Variants in RLF observed in about 807,000 individuals in gnomAD.
RLF encodes the protein RLF zinc finger, also known as zinc finger protein Rlf.
RLF carries 7 observed loss-of-function variants against 162.9 expected under a neutral mutation model. The observed-to-expected ratio is 0.04, with a 90% CI of 0.02 to 0.08. The LOEUF (loss-of-function observed/expected upper bound fraction) is 0.08, where lower values mean the gene tolerates loss of function less well. Among genes scored for constraint, RLF ranks in the 10% least tolerant of loss-of-function variants. The probability of loss-of-function intolerance (pLI) is 1.00; values close to 1 mark genes in which losing one functional copy is unlikely to be tolerated. For synonymous variants in RLF, 782 were observed against 791.5 expected (o/e 0.99, Z 0.20); for missense variants, 1,664 against 2,244.7 (o/e 0.74, Z 5.23).
At chr1:40,204,142 A>G (rs1468579478) in intron 5 of RLF, among the ~76,000 whole-genome samples, 1 of 149,346 alleles carries the variant, frequency 6.7e-6, no homozygotes, top group African/African-American at 2.5e-5. Flanking sequence ...CAGCCTCCCG[A>G]GTAGCTGGGA....
At chr1:40,234,193 G>A (rs1643188677) in intron 7 of RLF, among the ~76,000 whole-genome samples, 1 of 152,234 alleles carries the variant, frequency 6.6e-6, no homozygotes, top group South Asian at 2.1e-4. Flanking sequence ...CAAGTGATGT[G>A]CCTGCCTCGG....
At position 40,161,483 on chromosome 1, in the gene RLF, C is replaced by G. The variant is rs1055980924; in HGVS notation, c.84C>G (p.Val28=). ...APAVAGAGDG[V]ETESMVRGHR... is the part of the protein sequence containing the mutation. ...CGGTAGCGGGAGCCGGAGATGGAGT[C>G]GAGACTGAGTCCATGGTTCGGGGTC... Residue 28 remains valine, a synonymous_variant, in exon 1 of 8, where the codon GTC becomes GTG. Transcript: ENST00000372771. This position sits in a 1 kb window ranked among gnomAD's most constrained non-coding sequence, Gnocchi z 4.4. The G allele has an allele frequency of 6.3e-7, 1 of 1,594,084 alleles. No individual in the cohort carries two copies. Among genetic ancestry groups the G allele is most frequent in the Non-Finnish European group, 8.5e-7 (1 of 1,171,446 alleles).
At chr1:40,179,672 C>CTCCA (rs145703000) in intron 1 of RLF, among the ~76,000 whole-genome samples, 7,833 of 151,866 alleles carry the variant, frequency 0.052, 586 homozygotes, top group African/African-American at 0.17. Context: ...CAACCATTAC[C>CTCCA]TCCATCCATC....
At chr1:40,186,942 C>G (rs1473313140) in intron 1 of RLF, among the ~76,000 whole-genome samples, 1 of 152,040 alleles carries the variant, frequency 6.6e-6, no homozygotes, top group African/African-American at 2.4e-5. Context: ...CTCCTTAATT[C>G]TTAGATTAGC....
rs12071527 is a variant in RLF at position 40,167,158 on chromosome 1, G to A, written c.237+5522G>A. 9.4e-3 allele frequency among the ~76,000 whole-genome samples: 1,437 copies of A among 152,242 alleles called. 22 individuals carry two copies. The highest frequency in any genetic ancestry group is 0.032 in the African/African-American group (1,333 of 41,522). On this transcript the variant is annotated intron_variant, in intron 1 of 7. Transcript: ENST00000372771. ...TAGCATTGATGGAGAGAGAAAATGA[G>A]AGGCCTAGTATTGAGGAAGAGTAGT...
intron 5 of RLF, among the ~76,000 whole-genome samples, chr1:40,208,745 A>AG (rs1344063996): frequency 1.3e-5 from 2 of 152,146 alleles, no homozygotes; most frequent in Non-Finnish European, 2.9e-5. Context: ...TGAGCTCTGG[A>AG]GGTGCAGGTT....
rs1168908018 is a variant in RLF, at chr1:40,224,623, C to CTTTTTTTTTTTTTTTTTTTTTTTTT, written c.947+1920_947+1944dup. Reference sequence around the variant, plus strand: ...TTTCCCCTTCCATTGTTTTTGAAAGCTTTTTTTTTTTTTTTTTTTTTTTTT... The same window carrying CTTTTTTTTTTTTTTTTTTTTTTTTT: ...TTTCCCCTTCCATTGTTTTTGAAAGCTTTTTTTTTTTTTTTTTTTTTTTTTTTTTTTTTTTTTTTTTTTTTTTTTT... On this transcript the variant is annotated intron_variant, in intron 6 of 7. Transcript: ENST00000372771. 6.0e-5 allele frequency among the ~76,000 whole-genome samples: 2 copies of CTTTTTTTTTTTTTTTTTTTTTTTTT among 33,262 alleles called. 1 individual carries two copies. Among genetic ancestry groups the CTTTTTTTTTTTTTTTTTTTTTTTTT allele is most frequent in the African/African-American group, 2.5e-4 (2 of 8,128 alleles). 21.8% of individuals were successfully genotyped at this position (33,262 alleles called of 152,430 possible).
At chr1:40,226,121 G>A (rs930712512) in intron 6 of RLF, among the ~76,000 whole-genome samples, 3 of 152,134 alleles carry the variant, frequency 2.0e-5, no homozygotes, top group South Asian at 2.1e-4. Context: ...TAGAAATTTC[G>A]CTCAGAGACA....
chr1:40,236,802 T>A lies in RLF; in HGVS notation c.2100T>A (p.Asp700Glu). 1 of 1,614,090 alleles carries A rather than the reference T, an allele frequency of 6.2e-7. No individual in the cohort carries two copies. The highest frequency in any genetic ancestry group is 8.5e-7 in the Non-Finnish European group (1 of 1,180,014). The change falls in exon 8 of 8, where the codon GAT becomes GAA. Residue 700 changes from aspartate (D) to glutamate (E), a missense_variant. Coordinates refer to ENST00000372771, the MANE Select transcript of RLF (RefSeq NM_012421.4). This position sits in a 1 kb window ranked among gnomAD's most constrained non-coding sequence, Gnocchi z 7.7. ...TTAAAGCTGAACACCAAAATAATGA[T>A]GAAAATGCCAAGCACTACTTGGATA... The part of the protein sequence containing the change: ...VHLKAEHQNN[D>E]ENAKHYLDMK...
In RLF at chr1:40,202,489, C is replaced by T; in HGVS notation, c.685C>T (p.Pro229Ser). ...IKHLLKSNCI[P>S]QATALSKLCA... The stretch of plus-strand genomic sequence containing the variant: ...ACATTTGTTGAAATCTAACTGCATC[C>T]CCCAGGCTACTGCTTTATCAAAACT... The change falls in exon 5 of 8, where the codon CCC becomes TCC. Residue 229 changes from proline to serine, a missense_variant. This residue lies in a region of RLF where 287 missense variants were observed against 404.9 expected (regional missense o/e 0.71). Transcript: ENST00000372771. 1 of 1,585,356 alleles carries T rather than the reference C, an allele frequency of 6.3e-7. No homozygotes were observed.
chr1:40,219,741 C>T (rs1195620352), intron 5 of RLF, among the ~76,000 whole-genome samples: 2 of 152,064 alleles, frequency 1.3e-5, no homozygotes, highest in Non-Finnish European at 2.9e-5. Flanking sequence ...CAGGCATATT[C>T]GTGTATTTTA....
At chr1:40,192,348 G>A (rs1642570452) in intron 3 of RLF, among the ~76,000 whole-genome samples, 1 of 152,140 alleles carries the variant, frequency 6.6e-6, no homozygotes, top group African/African-American at 2.4e-5. Context: ...AAATGCTTAG[G>A]AGTAGTTTGG....
intron 5 of RLF, among the ~76,000 whole-genome samples, chr1:40,210,566 T>C (rs1360006265): frequency 6.6e-6 from 1 of 152,158 alleles, no homozygotes. Flanking sequence ...ATGGTTAGAT[T>C]TGATGCAGTA....
At chr1:40,177,048 C>T (rs1053596996) in intron 1 of RLF, among the ~76,000 whole-genome samples, 21 of 150,858 alleles carry the variant, frequency 1.4e-4, no homozygotes, top group African/African-American at 3.9e-4. Context: ...AGTGCAATGG[C>T]GCGACCTTGA....
chr1:40,222,507 C>T, intron 5 of RLF, 67 bp from the exon 6 acceptor site: 2 of 1,530,952 alleles, frequency 1.3e-6, no homozygotes, highest in South Asian at 1.2e-5. Flanking sequence ...GAAGTTTCAC[C>T]TTATATAACA....
chr1:40,226,593 G>A (rs904661891), intron 6 of RLF, among the ~76,000 whole-genome samples: 6 of 152,182 alleles, frequency 3.9e-5, no homozygotes, highest in Non-Finnish European at 7.3e-5. Context: ...AGTAACTGGC[G>A]AAGACTAGCA....
intron 5 of RLF, among the ~76,000 whole-genome samples, chr1:40,217,999 G>T (rs893245597): frequency 6.6e-6 from 1 of 152,082 alleles, no homozygotes; most frequent in African/African-American, 2.4e-5. Flanking sequence ...AAGATTTAAG[G>T]ATAGTTTTTA....
intron 1 of RLF, among the ~76,000 whole-genome samples, chr1:40,180,936 G>A (rs748490180): frequency 1.3e-5 from 2 of 152,064 alleles, no homozygotes; most frequent in Non-Finnish European, 2.9e-5. Flanking sequence ...TGTGCTTTTG[G>A]TATCATAGTC....
At position 40,235,604 on chromosome 1, in the gene RLF, T is replaced by C. The variant is rs553545363; in HGVS notation, c.1090-188T>C. 7.9e-5 allele frequency among the ~76,000 whole-genome samples: 12 copies of C among 152,296 alleles called. No individual in the cohort carries two copies. The East Asian group carries it at 2.3e-3, about 29-fold the overall frequency. On this transcript the variant is annotated intron_variant, in intron 7 of 7. Transcript: ENST00000372771. Reference sequence around the variant, plus strand: ...CTAGTAAATGTACATTGTTCGTAGTTGTAGCATCTAATTTAGTTCTTTGCA... The same window carrying C: ...CTAGTAAATGTACATTGTTCGTAGTCGTAGCATCTAATTTAGTTCTTTGCA...
Sources: gnomAD v4.1 joint callset for allele counts (sites outside exome capture counted in the v4.1 genomes callset) on GRCh38, gnomAD v4.1.1 for gene constraint, gnomAD v4.1.1 regional missense constraint, Gnocchi (gnomAD v3.1) non-coding constraint, MANE v1.5 for transcripts, NCBI Gene and HGNC (gene_info 2026-07-23, HGNC 2026-07-21) for gene names.